Variants in CFAP299 observed in about 807,000 individuals in gnomAD.
CFAP299 encodes the protein cilia- and flagella-associated protein 299.
CFAP299 carries 21 observed loss-of-function variants against 27.0 expected under a neutral mutation model. That is an observed-to-expected ratio of 0.78 (90% CI 0.55 to 1.12). The LOEUF is 1.12. Ranked by LOEUF, CFAP299 falls within the 50% of genes most tolerant of loss-of-function variation. The pLI is 0.00. For missense variants in CFAP299, 310 were observed against 276.6 expected, an observed-to-expected ratio of 1.12 and a Z score of -0.86; for synonymous variants, 104 against 98.1, an observed-to-expected ratio of 1.06 and a Z score of -0.36.
chr4:80,603,938 TTAAAA>T (rs1208084428), intron 3 of CFAP299, among the ~76,000 whole-genome samples: 1 of 152,146 alleles, frequency 6.6e-6, no homozygotes, highest in African/African-American at 2.4e-5. Flanking sequence ...TTCTCGCTCT[TTAAAA>T]TAAATTAATA....
chr4:80,888,792 A>T (rs1329390307), intron 4 of CFAP299, among the ~76,000 whole-genome samples: 1 of 152,072 alleles, frequency 6.6e-6, no homozygotes, highest in Non-Finnish European at 1.5e-5. Context: ...ACAATGGAAT[A>T]AAACTAGAAA....
At chr4:80,721,469 G>A (rs1722807708) in intron 3 of CFAP299, among the ~76,000 whole-genome samples, 1 of 152,254 alleles carries the variant, frequency 6.6e-6, no homozygotes, top group Non-Finnish European at 1.5e-5. Flanking sequence ...AGCTTTGTGT[G>A]TCCTCATTTC....
chr4:80,527,224 G>A (rs1389531319), intron 2 of CFAP299, among the ~76,000 whole-genome samples: 1 of 151,996 alleles, frequency 6.6e-6, no homozygotes, highest in Non-Finnish European at 1.5e-5. Flanking sequence ...TGAAATTGCT[G>A]GGGACTTACC....
intron 3 of CFAP299, among the ~76,000 whole-genome samples, chr4:80,824,479 G>A (rs1729876821): frequency 6.6e-6 from 1 of 152,120 alleles, no homozygotes; most frequent in Admixed American, 6.6e-5. Context: ...CCTTCTGCAT[G>A]ATTGTAAGCT....
intron 2 of CFAP299, among the ~76,000 whole-genome samples, chr4:80,524,582 T>A (rs770126622): frequency 6.6e-6 from 1 of 152,138 alleles, no homozygotes; most frequent in Non-Finnish European, 1.5e-5. Context: ...GACTGCCTAA[T>A]TGACATCTCC....
chr4:80,387,626 G>T, intron 2 of CFAP299: 1 of 1,405,730 alleles, frequency 7.1e-7, no homozygotes, highest in Non-Finnish European at 1.0e-6. Flanking sequence ...CCACCACCGT[G>T]TCCTGAAGGC....
At chr4:80,520,489 C>T (rs1732855832) in intron 2 of CFAP299, among the ~76,000 whole-genome samples, 1 of 152,168 alleles carries the variant, frequency 6.6e-6, no homozygotes, top group East Asian at 1.9e-4. Flanking sequence ...CCCTCACCTT[C>T]AACATGGAAA....
At chr4:80,849,519 A>T (rs1415148838) in intron 3 of CFAP299, among the ~76,000 whole-genome samples, 1 of 152,230 alleles carries the variant, frequency 6.6e-6, no homozygotes, top group Non-Finnish European at 1.5e-5. Context: ...TTCTGAGGGC[A>T]TATTCCCAGG....
intron 3 of CFAP299, among the ~76,000 whole-genome samples, chr4:80,731,608 C>G (rs1005932958): frequency 6.6e-6 from 1 of 152,136 alleles, no homozygotes; most frequent in African/African-American, 2.4e-5. Context: ...ACCTCTTCCC[C>G]TCTTCTCTCT....
intron 3 of CFAP299, among the ~76,000 whole-genome samples, chr4:80,800,659 GATATATTA>G (rs1560419639): frequency 5.3e-5 from 4 of 75,556 alleles, no homozygotes; most frequent in African/African-American, 2.7e-4. Flanking sequence ...ATATATATAT[GATATATTA>G]ATATAAATAT....
chr4:80,865,505 T>C (rs1050359376), intron 3 of CFAP299, among the ~76,000 whole-genome samples: 1 of 152,198 alleles, frequency 6.6e-6, no homozygotes, highest in Admixed American at 6.5e-5. Flanking sequence ...ATTTAAAAGA[T>C]GTATTTCTAA....
intron 3 of CFAP299, among the ~76,000 whole-genome samples, chr4:80,711,837 C>A (rs1722192415): frequency 6.6e-6 from 1 of 152,178 alleles, no homozygotes; most frequent in African/African-American, 2.4e-5. Flanking sequence ...ATTAGGCCCT[C>A]CAAGTATGCT....
rs1413511082 is a variant in CFAP299, at chr4:80,888,227, G to A, written c.476+18092G>A. Among the ~76,000 whole-genome samples the A allele has an allele frequency of 3.3e-5, 5 of 151,878 alleles. No individual in the cohort carries two copies. In the South Asian group the frequency reaches 6.2e-4, roughly 19 times the overall value. On this transcript the variant is annotated intron_variant, in intron 4 of 5. Coordinates refer to ENST00000358105, the MANE Select transcript of CFAP299 (RefSeq NM_152770.3). The stretch of plus-strand genomic sequence containing the variant: ...GTGAAAAAACAAGGGTCAACGATCC[G>A]CTGCCTACAAGAAACACACTTCACA...
intron 4 of CFAP299, among the ~76,000 whole-genome samples, chr4:80,890,099 A>G (rs1004008598): frequency 6.6e-6 from 1 of 152,082 alleles, no homozygotes; most frequent in Non-Finnish European, 1.5e-5. Flanking sequence ...CCCCACTACT[A>G]TTCAAAATAG....
At chr4:80,775,480 TA>T (rs1450678940) in intron 3 of CFAP299, among the ~76,000 whole-genome samples, 1 of 152,102 alleles carries the variant, frequency 6.6e-6, no homozygotes, top group Non-Finnish European at 1.5e-5. Context: ...ACACCATATT[TA>T]TTTTCTTGCT....
intron 3 of CFAP299, among the ~76,000 whole-genome samples, chr4:80,618,470 TG>T (rs1738409039): frequency 6.6e-6 from 1 of 152,008 alleles, no homozygotes; most frequent in African/African-American, 2.4e-5. Flanking sequence ...TAATCAAAAG[TG>T]TGTCATAGAT....
Position 80,380,337 on chromosome 4 carries a change from C to G in CFAP299, c.242+17453C>G, listed in dbSNP as rs142052512. Among the ~76,000 whole-genome samples, 741 of 150,852 alleles carry G rather than the reference C, an allele frequency of 4.9e-3. 7 individuals carry two copies. The highest frequency in any genetic ancestry group is 0.017 in the African/African-American group (705 of 41,018). ...AAAATCCAATATTGGTGACAGCTCG[C>G]TAGTGATTAATTAAAGACCAAATAA... On this transcript the variant is annotated intron_variant, in intron 2 of 5. Coordinates refer to ENST00000358105, the MANE Select transcript of CFAP299 (RefSeq NM_152770.3).
intron 4 of CFAP299, among the ~76,000 whole-genome samples, chr4:80,930,128 G>A (rs1736541259): frequency 6.6e-6 from 1 of 152,086 alleles, no homozygotes; most frequent in Admixed American, 6.6e-5. Flanking sequence ...TGAAGGTTAA[G>A]TTCATCACCA....
At chr4:80,417,739 C>G (rs936509540) in intron 2 of CFAP299, among the ~76,000 whole-genome samples, 3 of 152,034 alleles carry the variant, frequency 2.0e-5, no homozygotes, top group East Asian at 3.9e-4. Context: ...TTGTAATGCC[C>G]CACTATTCTA....
Sources: allele counts gnomAD v4.1 joint callset (sites outside exome capture counted in the v4.1 genomes callset), GRCh38; gene constraint gnomAD v4.1.1; transcripts MANE v1.5; gene names NCBI Gene and HGNC (gene_info 2026-07-23, HGNC 2026-07-21).